PRRT3: variants seen among roughly 807,000 people sequenced by gnomAD.
PRRT3 encodes the protein proline-rich transmembrane protein 3.
In PRRT3, 48 loss-of-function variants were observed where a neutral mutation model predicts 56.6. The ratio of observed to expected loss-of-function variants is 0.85; its 90% CI spans 0.67 to 1.08. The LOEUF (loss-of-function observed/expected upper bound fraction) is 1.08, where lower values mean the gene tolerates loss of function less well. Ranked by LOEUF, PRRT3 falls within the 50% of genes least tolerant of loss-of-function variation. The probability of loss-of-function intolerance (pLI) is 0.00; values close to 1 mark genes in which losing one functional copy is unlikely to be tolerated. For synonymous variants in PRRT3, 641 were observed against 619.1 expected (o/e 1.04, Z -0.52); for missense variants, 1,370 against 1,353.1 (o/e 1.01, Z -0.20).
intron 3 of PRRT3, chr3:9,948,371 C>G: frequency 2.7e-6 from 1 of 367,760 alleles, no homozygotes; most frequent in Non-Finnish European, 4.8e-6. Context: ...ACTCTGTCAT[C>G]CAGGCTGGTG....
Position 9,949,468 on chromosome 3 carries a change from A to C in PRRT3, c.648T>G (p.Gly216=), listed in dbSNP as rs752046461. Residue 216 remains glycine (G), a synonymous_variant, in exon 2 of 4, where the codon GGT becomes GGG. Transcript: ENST00000412055. The surrounding 1 kb of genome is among the most constrained non-coding windows in gnomAD (Gnocchi z 4.5). ...CTTCCAGCACTGGCCTCTTGACAGT[A>C]CCTGAGTGGGAAACAAGGGTGTGGG... ...GPPHTLVSHS[G]TVKRPVLEGQ... 3.1e-6 allele frequency: 5 copies of C among 1,614,076 alleles called. No homozygotes were observed. The highest frequency in any genetic ancestry group is 1.6e-4 in the Middle Eastern group (1 of 6,062).
intron 3 of PRRT3, chr3:9,948,425 A>G (rs1194020845): frequency 4.7e-6 from 2 of 429,690 alleles, no homozygotes; most frequent in East Asian, 3.7e-5. Context: ...GACCTCCAGG[A>G]CAAGTGATCT....
intron 2 of PRRT3, 68 bp from the exon 3 acceptor site, chr3:9,948,981 G>A (rs1159032813): frequency 9.2e-6 from 14 of 1,520,084 alleles, no homozygotes; most frequent in Non-Finnish European, 1.1e-5. Flanking sequence ...TCAGGATTGA[G>A]TCACAATCAA....
At chr3:9,948,961 T>C in intron 2 of PRRT3, 48 bp from the exon 3 acceptor site, 1 of 1,527,122 alleles carries the variant, frequency 6.5e-7, no homozygotes, top group East Asian at 2.3e-5. Flanking sequence ...CCTATGGTCC[T>C]CCTAATCCCT....
chr3:9,951,776 A>AG (rs754465196), intron 1 of PRRT3, among the ~76,000 whole-genome samples: 3 of 152,198 alleles, frequency 2.0e-5, no homozygotes, highest in Non-Finnish European at 4.4e-5. Flanking sequence ...GCCATTTCAC[A>AG]GGGGGAAGAA....
Position 9,947,842 on chromosome 3 carries a change from G to A in PRRT3, c.1331C>T (p.Ala444Val), listed in dbSNP as rs752136487. Residue 444 changes from alanine to valine, a missense_variant, in exon 4 of 4, where the codon GCC (alanine) becomes GTC (valine). Transcript: ENST00000412055. This position sits in a 1 kb window ranked among gnomAD's most constrained non-coding sequence, Gnocchi z 9.2. ...GTTGGCTGGGGGGCTGGAGGCTGGG[G>A]CTGAAGCCATGGAGCTGGCGGTGGG... ...PEPTASSMAS[A>V]PASSPPANAT... The A allele has an allele frequency of 1.4e-6, 2 of 1,435,074 alleles. No individual in the cohort carries two copies. Among genetic ancestry groups the A allele is most frequent in the East Asian group, 5.3e-5 (2 of 37,518 alleles). 88.9% of individuals were successfully genotyped at this position (1,435,074 alleles called of 1,614,324 possible).
At position 9,947,449 on chromosome 3, in the gene PRRT3, C is replaced by A. The variant is rs2085545734; in HGVS notation, c.1724G>T (p.Gly575Val). The change falls in exon 4 of 4, where the codon GGA becomes GTA. Residue 575 changes from glycine to valine, a missense_variant. Physicochemically the swap from Gly to Val is moderately radical, Grantham distance 109. Transcript: ENST00000412055. This position sits in a 1 kb window ranked among gnomAD's most constrained non-coding sequence, Gnocchi z 9.2. The stretch of plus-strand genomic sequence containing the variant: ...TACACCATGCACCAGCGCCACTGCT[C>A]CCAGCAGGAGTGGGTTTTGCAGCGG... ...PPPLQNPLLL[G>V]AVALVHGVGL... The A allele has an allele frequency of 2.5e-6, 4 of 1,612,534 alleles. No individual in the cohort carries two copies. In the African/African-American group the frequency reaches 5.3e-5, roughly 21 times the overall value.
Position 9,949,531 on chromosome 3 carries a change from C to T in PRRT3, c.585G>A (p.Arg195=). The T allele has an allele frequency of 2.5e-6, 4 of 1,614,032 alleles. No individual in the cohort carries two copies. The highest frequency in any genetic ancestry group is 3.4e-6 in the Non-Finnish European group (4 of 1,180,018). ...DEGLKAKTKS[R]VPPTSPSDHQ... ...GGTCTGAGGGAGAAGTGGGTGGGAC[C>T]CTGCTCTTAGTTTTGGCCTTCAGAC... The change falls in exon 2 of 4, where the codon AGG becomes AGA. Residue 195 remains arginine (R), a synonymous_variant. Transcript: ENST00000412055. The surrounding 1 kb of genome is among the most constrained non-coding windows in gnomAD (Gnocchi z 4.5).
chr3:9,945,821 C>CCTTTT lies in PRRT3; in HGVS notation c.*405_*406insAAAAG, dbSNP rs2085504800. 2 of 56,908 alleles carry CCTTTT rather than the reference C, an allele frequency of 3.5e-5. No homozygotes were observed. Among genetic ancestry groups the CCTTTT allele is most frequent in the African/African-American group, 1.3e-4 (2 of 15,564 alleles). The allele number at this position is 56,908 out of a possible 1,614,324, so 3.5% of individuals were successfully genotyped here. ...GTCAGGTAGAGAGGCCTGGGGATGC[C>CCTTTT]TTTTTTTTTTTTTTTTTTTTTTTTT... On this transcript the variant is annotated 3_prime_UTR_variant, in exon 4 of 4. Coordinates refer to ENST00000412055, the MANE Select transcript of PRRT3 (RefSeq NM_207351.5).
chr3:9,949,767 G>A lies in PRRT3; in HGVS notation c.349C>T (p.Gln117Ter). Residue 117 changes from glutamine (Q) to a stop codon, truncating the protein, a stop_gained, in exon 2 of 4, where the codon CAG becomes TAG. Transcript: ENST00000412055. LOFTEE classifies it high-confidence loss of function. The surrounding 1 kb of genome is among the most constrained non-coding windows in gnomAD (Gnocchi z 4.5). ...RERLPVTDDL[Q>*]MAQGPSSHGW... The stretch of plus-strand genomic sequence containing the variant: ...TGGGAGCTTGGTCCTTGAGCCATCT[G>A]GAGGTCATCAGTTACTGGGAGTCGT... 6.2e-7 allele frequency: 1 copy of A among 1,614,170 alleles called. No individual in the cohort carries two copies. The highest frequency in any genetic ancestry group is 8.5e-7 in the Non-Finnish European group (1 of 1,180,020).
chr3:9,947,920 C>T lies in PRRT3; in HGVS notation c.1253G>A (p.Gly418Asp). 1.4e-6 allele frequency: 2 copies of T among 1,415,146 alleles called. No homozygotes were observed. The highest frequency in any genetic ancestry group is 3.1e-5 in the Admixed American group (1 of 32,550). The allele number at this position is 1,415,146 out of a possible 1,614,324, so 87.7% of individuals were successfully genotyped here. ...PVQAPSTSRR[G>D]LIRVTTQRAL... is the part of the protein sequence containing the mutation. ...TCGCTGCGTGGTGACTCGAATGAGG[C>T]CCCGGCGTGACGTCGAGGGGGCCTG... Residue 418 changes from glycine (G) to aspartate (D), a missense_variant, in exon 4 of 4, where the codon GGC (glycine) becomes GAC (aspartate). Coordinates refer to ENST00000412055, the MANE Select transcript of PRRT3 (RefSeq NM_207351.5). This position sits in a 1 kb window ranked among gnomAD's most constrained non-coding sequence, Gnocchi z 9.2.
chr3:9,951,291 G>C (rs1160525304), intron 1 of PRRT3, among the ~76,000 whole-genome samples: 2 of 152,148 alleles, frequency 1.3e-5, no homozygotes, highest in Non-Finnish European at 2.9e-5. Context: ...CTGAAGCCTG[G>C]GTGTGTTTGG....
At chr3:9,948,277 C>CCAG (rs2085563064) in intron 3 of PRRT3, 1 of 368,930 alleles carries the variant, frequency 2.7e-6, no homozygotes, top group African/African-American at 2.1e-5. Flanking sequence ...ATATTAGAAT[C>CCAG]TTCTGGAGAC....
Position 9,946,595 on chromosome 3 carries a change from G to A in PRRT3, c.2578C>T (p.Leu860Phe). 1 of 1,401,042 alleles carries A rather than the reference G, an allele frequency of 7.1e-7. No individual in the cohort carries two copies. Among genetic ancestry groups the A allele is most frequent in the East Asian group, 2.9e-5 (1 of 34,006 alleles). The allele number at this position is 1,401,042 out of a possible 1,614,324, so 86.8% of individuals were successfully genotyped here. A position where few individuals can be genotyped will look rare whatever the true frequency, so the allele number is the denominator to read the frequency against. ...AGGAGCGAGGAGCCAGCGTCGTCGA[G>A]CTCGGCTTTGGGATGGCTGCCCCGG... is the stretch of plus-strand genomic sequence containing the variant. The part of the protein sequence containing the change: ...PRRGSHPKAE[L>F]DDAGSSLLRG... The change falls in exon 4 of 4, where the codon CTC becomes TTC. Residue 860 changes from leucine to phenylalanine, a missense_variant. Physicochemically the swap from Leu to Phe is conservative, Grantham distance 22 (BLOSUM62 0). Coordinates refer to ENST00000412055, the MANE Select transcript of PRRT3 (RefSeq NM_207351.5). This position sits in a 1 kb window ranked among gnomAD's most constrained non-coding sequence, Gnocchi z 4.1.
rs760039158 is a variant in PRRT3, at chr3:9,949,635, G to A, written c.481C>T (p.Arg161Cys). 8.7e-6 allele frequency: 14 copies of A among 1,614,022 alleles called. No homozygotes were observed. The highest frequency in any genetic ancestry group is 4.4e-5 in the South Asian group (4 of 91,084). The change falls in exon 2 of 4, where the codon CGT becomes TGT. Residue 161 changes from arginine to cysteine, a missense_variant. By Grantham distance (180) the Arg-to-Cys change is radical. Transcript: ENST00000412055. This position sits in a 1 kb window ranked among gnomAD's most constrained non-coding sequence, Gnocchi z 4.5. ...HLTFIPTTPR[R>C]QLRVATVPPS... is the part of the protein sequence containing the mutation. ...GGAACTGTGGCTACCCTGAGTTGAC[G>A]TCTGGGAGTTGTGGGGATGAAAGTG...
rs2085511750 is a variant in PRRT3, at chr3:9,946,065, T to TGAC, written c.*159_*161dup. The TGAC allele has an allele frequency of 9.3e-7, 1 of 1,079,792 alleles. No homozygotes were observed. The highest frequency in any genetic ancestry group is 1.7e-5 in the South Asian group (1 of 59,074). The allele number at this position is 1,079,792 out of a possible 1,614,324, so 66.9% of individuals were successfully genotyped here. A position where few individuals can be genotyped will look rare whatever the true frequency, so the allele number is the denominator to read the frequency against. On this transcript the variant is annotated 3_prime_UTR_variant, in exon 4 of 4. Coordinates refer to ENST00000412055, the MANE Select transcript of PRRT3 (RefSeq NM_207351.5). This position sits in a 1 kb window ranked among gnomAD's most constrained non-coding sequence, Gnocchi z 4.1. Reference sequence around the variant, plus strand: ...GACCAGGAGGCTGATCTCGAACTCCTGACCTCGTGTTCCACCCACCTCGGC... The same window carrying TGAC: ...GACCAGGAGGCTGATCTCGAACTCCTGACGACCTCGTGTTCCACCCACCTCGGC...
At chr3:9,951,638 G>A (rs2085621174) in intron 1 of PRRT3, among the ~76,000 whole-genome samples, 1 of 152,178 alleles carries the variant, frequency 6.6e-6, no homozygotes, top group Non-Finnish European at 1.5e-5. Context: ...GTAGGGGTGC[G>A]CTGAGACGCC....
Position 9,947,805 on chromosome 3 carries a change from G to A in PRRT3, c.1368C>T (p.Pro456=). 2 of 1,450,898 alleles carry A rather than the reference G, an allele frequency of 1.4e-6. No individual in the cohort carries two copies. The highest frequency in any genetic ancestry group is 1.8e-6 in the Non-Finnish European group (2 of 1,101,970). The allele number at this position is 1,450,898 out of a possible 1,614,324, so 89.9% of individuals were successfully genotyped here. A position where few individuals can be genotyped will look rare whatever the true frequency, so the allele number is the denominator to read the frequency against. ...ASSPPANATA[P]PLRWGPLRRV... is the part of the protein sequence containing the mutation. ...GCCGAAGGGGGCCCCAGCGTAGCGG[G>A]GGTGCAGTGGCGTTGGCTGGGGGGC... The change falls in exon 4 of 4, where the codon CCC becomes CCT. Residue 456 remains proline (P), a synonymous_variant. Coordinates refer to ENST00000412055, the MANE Select transcript of PRRT3 (RefSeq NM_207351.5). The surrounding 1 kb of genome is among the most constrained non-coding windows in gnomAD (Gnocchi z 9.2).
intron 1 of PRRT3, among the ~76,000 whole-genome samples, chr3:9,951,553 G>A (rs1410444538): frequency 1.3e-5 from 2 of 152,184 alleles, no homozygotes; most frequent in Admixed American, 6.5e-5. Flanking sequence ...AAACATTCAC[G>A]GAGCCCCATG....
Sources: gnomAD v4.1 joint callset for allele counts (sites outside exome capture counted in the v4.1 genomes callset) on GRCh38, gnomAD v4.1.1 for gene constraint, Gnocchi (gnomAD v3.1) non-coding constraint, MANE v1.5 for transcripts, NCBI Gene and HGNC (gene_info 2026-07-23, HGNC 2026-07-21) for gene names.